The following SLC7A1 variants were observed in gnomAD, a reference collection of about 807,000 sequenced individuals.
SLC7A1 encodes solute carrier family 7 member 1.
Under a neutral mutation model 53.9 loss-of-function variants are expected in SLC7A1, and 10 were observed. The ratio of observed to expected loss-of-function variants is 0.19; its 90% CI spans 0.11 to 0.31. SLC7A1 has a LOEUF of 0.31. Among genes scored for constraint, SLC7A1 ranks in the 10% least tolerant of loss-of-function variants. The pLI is 1.00. For synonymous variants in SLC7A1, 342 were observed against 338.7 expected, an observed-to-expected ratio of 1.01 and a Z score of -0.11; for missense variants, 525 against 827.2, an observed-to-expected ratio of 0.63 and a Z score of 4.48.
chr13:29,588,508 C>CT (rs60989447), intron 1 of SLC7A1, among the ~76,000 whole-genome samples: 102,880 of 144,090 alleles, frequency 0.71, 38,877 homozygotes, highest in Non-Finnish European at 0.86. Flanking sequence ...TCTTTTCTTT[C>CT]TTTTTTTTTT....
intron 1 of SLC7A1, among the ~76,000 whole-genome samples, chr13:29,580,660 A>G (rs1159595094): frequency 6.6e-6 from 1 of 152,218 alleles, no homozygotes; most frequent in African/African-American, 2.4e-5. Context: ...AAGCAGAGAG[A>G]CTATTCCTGG....
chr13:29,509,676 C>G lies in SLC7A1; in HGVS notation c.*4804G>C, dbSNP rs1242609366. The G allele has an allele frequency of 6.6e-6, 1 of 152,304 alleles. No individual in the cohort carries two copies. The highest frequency in any genetic ancestry group is 2.4e-5 in the African/African-American group (1 of 41,394). The allele number at this position is 152,304 out of a possible 1,614,324, so 9.4% of individuals were successfully genotyped here. A position where few individuals can be genotyped will look rare whatever the true frequency, so the allele number is the denominator to read the frequency against. On this transcript the variant is annotated 3_prime_UTR_variant, in exon 13 of 13. Coordinates refer to ENST00000380752, the MANE Select transcript of SLC7A1 (RefSeq NM_003045.5). Reference sequence around the variant, plus strand: ...GCATCAGAATCTAAATCTAGTATCACAACTTTAAGAAACTAAAAGAAAACT... The same window carrying G: ...GCATCAGAATCTAAATCTAGTATCAGAACTTTAAGAAACTAAAAGAAAACT...
chr13:29,565,494 T>C (rs1342615022), intron 1 of SLC7A1, among the ~76,000 whole-genome samples: 2 of 152,180 alleles, frequency 1.3e-5, no homozygotes, highest in African/African-American at 4.8e-5. Context: ...CTGCTGTTGA[T>C]GGTCTAGGCC....
At chr13:29,579,554 G>T (rs916126748) in intron 1 of SLC7A1, among the ~76,000 whole-genome samples, 10 of 152,110 alleles carry the variant, frequency 6.6e-5, no homozygotes, top group Admixed American at 2.0e-4. Flanking sequence ...TTAGAGACAG[G>T]GTTTTGCCAT....
intron 1 of SLC7A1, among the ~76,000 whole-genome samples, chr13:29,572,239 G>C (rs919159793): frequency 6.6e-6 from 1 of 152,246 alleles, no homozygotes; most frequent in South Asian, 2.1e-4. Context: ...TCTGTGCCCA[G>C]AGAAGCCCAG....
chr13:29,579,924 G>A (rs574379933), intron 1 of SLC7A1, among the ~76,000 whole-genome samples: 33 of 152,186 alleles, frequency 2.2e-4, no homozygotes, highest in African/African-American at 7.7e-4. Context: ...CTCTGTCATC[G>A]TCCTCCTACC....
intron 1 of SLC7A1, among the ~76,000 whole-genome samples, chr13:29,561,394 T>C (rs1475610160): frequency 1.3e-5 from 2 of 152,008 alleles, no homozygotes; most frequent in Non-Finnish European, 2.9e-5. Flanking sequence ...AGTCAACCAA[T>C]AGCTACAACC....
chr13:29,557,464 G>C (rs1255479103), intron 1 of SLC7A1, among the ~76,000 whole-genome samples: 1 of 152,080 alleles, frequency 6.6e-6, no homozygotes, highest in African/African-American at 2.4e-5. Flanking sequence ...TTGGCTCCTA[G>C]CCTACAAACC....
chr13:29,514,724 CCT>C, intron 12 of SLC7A1, 141 bp from the exon 13 acceptor site: 1 of 621,780 alleles, frequency 1.6e-6, no homozygotes, highest in East Asian at 2.8e-5. Flanking sequence ...GCCAGCGGCC[CCT>C]GTGACCTTTC....
intron 1 of SLC7A1, among the ~76,000 whole-genome samples, chr13:29,568,912 G>T (rs371186565): frequency 1.3e-5 from 2 of 152,240 alleles, no homozygotes; most frequent in South Asian, 2.1e-4. Context: ...CTGAACACAG[G>T]TCTCCAGGCT....
Position 29,536,078 on chromosome 13 carries a change from C to T in SLC7A1, c.111G>A (p.Leu37=). ...GTGTGCTGCCCACCCCGAGGGCCACCAGATCAAAAGTGTTCAGGCAGCGAG... is the reference window on the plus strand; with the variant it reads ...GTGTGCTGCCCACCCCGAGGGCCACTAGATCAAAAGTGTTCAGGCAGCGAG... ...RLSRCLNTFD[L]VALGVGSTLG... Residue 37 remains leucine (L), a synonymous_variant, in exon 3 of 13, where the codon CTG becomes CTA. Coordinates refer to ENST00000380752, the MANE Select transcript of SLC7A1 (RefSeq NM_003045.5). 1 of 1,614,008 alleles carries T rather than the reference C, an allele frequency of 6.2e-7. No individual in the cohort carries two copies. The highest frequency in any genetic ancestry group is 8.5e-7 in the Non-Finnish European group (1 of 1,180,036).
At chr13:29,552,282 T>TGAA (rs1870236447) in intron 2 of SLC7A1, among the ~76,000 whole-genome samples, 1 of 151,140 alleles carries the variant, frequency 6.6e-6, no homozygotes, top group African/African-American at 2.4e-5. Flanking sequence ...TTCCCTCAAC[T>TGAA]GAAGAGTTTT....
chr13:29,566,016 T>A (rs937521211), intron 1 of SLC7A1, among the ~76,000 whole-genome samples: 1 of 152,180 alleles, frequency 6.6e-6, no homozygotes, highest in African/African-American at 2.4e-5. Context: ...AAGTTATTTA[T>A]CCTTTCTGGG....
Position 29,536,111 on chromosome 13 carries a change from C to T in SLC7A1, c.78G>A (p.Thr26=), listed in dbSNP as rs749687442. ...AAGTGTTCAGGCAGCGAGACAGCCG[C>T]GTCTCCTCCCGGCTACAGTCCACCA... The part of the protein sequence containing the change: ...RKVVDCSREE[T]RLSRCLNTFD... The change falls in exon 3 of 13, where the codon ACG becomes ACA. Residue 26 remains threonine (T), a synonymous_variant. Coordinates refer to ENST00000380752, the MANE Select transcript of SLC7A1 (RefSeq NM_003045.5). The T allele has an allele frequency of 5.0e-6, 8 of 1,613,884 alleles. No individual in the cohort carries two copies. The South Asian group carries it at 6.6e-5, about 13-fold the overall frequency.
intron 2 of SLC7A1, among the ~76,000 whole-genome samples, chr13:29,552,560 G>A (rs937135171): frequency 6.6e-6 from 1 of 151,886 alleles, no homozygotes; most frequent in Non-Finnish European, 1.5e-5. Context: ...CCGGAATGAG[G>A]GCAAGGAACA....
intron 1 of SLC7A1, among the ~76,000 whole-genome samples, chr13:29,555,583 A>G (rs1453393733): frequency 6.6e-6 from 1 of 151,516 alleles, no homozygotes; most frequent in Non-Finnish European, 1.5e-5. Flanking sequence ...CACCAGGGAC[A>G]CAGCATCCTG....
chr13:29,531,058 G>T (rs908840371), intron 4 of SLC7A1, among the ~76,000 whole-genome samples: 4 of 152,126 alleles, frequency 2.6e-5, no homozygotes, highest in Non-Finnish European at 2.9e-5. Context: ...ACACCAAGCC[G>T]CTCCCTCTCA....
intron 1 of SLC7A1, among the ~76,000 whole-genome samples, chr13:29,567,724 A>G (rs1035098005): frequency 2.0e-5 from 3 of 152,162 alleles, no homozygotes; most frequent in African/African-American, 4.8e-5. Flanking sequence ...ACAAAGACAA[A>G]TAAGTCTCGG....
chr13:29,569,664 C>G (rs975485267), intron 1 of SLC7A1, among the ~76,000 whole-genome samples: 3 of 152,216 alleles, frequency 2.0e-5, no homozygotes, highest in African/African-American at 7.2e-5. Context: ...TAGGTTACAA[C>G]AACACATTGC....
Sources: allele counts gnomAD v4.1 joint callset (sites outside exome capture counted in the v4.1 genomes callset), GRCh38; gene constraint gnomAD v4.1.1; transcripts MANE v1.5; gene names NCBI Gene and HGNC (gene_info 2026-07-23, HGNC 2026-07-21).